PPP2CB: variants seen among roughly 807,000 people sequenced by gnomAD.
The protein encoded by PPP2CB is protein phosphatase 2 catalytic subunit beta.
Under a neutral mutation model 39.1 loss-of-function variants are expected in PPP2CB, and 18 were observed. The observed-to-expected ratio is 0.46, with a 90% CI of 0.32 to 0.68. PPP2CB has a LOEUF of 0.68. Among genes scored for constraint, PPP2CB ranks in the 30% least tolerant of loss-of-function variants. The probability of loss-of-function intolerance (pLI) is 0.04; values close to 1 mark genes in which losing one functional copy is unlikely to be tolerated. For missense variants in PPP2CB, 226 were observed against 396.9 expected (o/e 0.57, Z 3.66); for synonymous variants, 129 against 133.8 (o/e 0.96, Z 0.25).
rs1363822388 is a variant in PPP2CB, at chr8:30,786,260, C to T, written c.905G>A (p.Arg302Gln). ...TTATAGGAAGTAGTCTGGGGTGCGCCGTGTAACATGAGGCTCACCACGACG... is the reference window on the plus strand; with the variant it reads ...TTATAGGAAGTAGTCTGGGGTGCGCTGTGTAACATGAGGCTCACCACGACG... ...APRRGEPHVT[R>Q]RTPDYFL The change falls in exon 7 of 7, where the codon CGG becomes CAG. Residue 302 changes from arginine to glutamine, a missense_variant. Coordinates refer to ENST00000221138, the MANE Select transcript of PPP2CB (RefSeq NM_001009552.2). The T allele has an allele frequency of 7.6e-6, 12 of 1,579,068 alleles. No individual in the cohort carries two copies. Among genetic ancestry groups the T allele is most frequent in the Admixed American group, 3.7e-5 (2 of 53,970 alleles).
At chr8:30,811,083 GACA>G (rs1806817926) in intron 1 of PPP2CB, among the ~76,000 whole-genome samples, 1 of 152,104 alleles carries the variant, frequency 6.6e-6, no homozygotes, top group Non-Finnish European at 1.5e-5. Flanking sequence ...GATGAATGTG[GACA>G]ACTCTAGACT....
intron 1 of PPP2CB, among the ~76,000 whole-genome samples, chr8:30,805,045 C>T (rs917612765): frequency 1.3e-5 from 2 of 152,140 alleles, no homozygotes; most frequent in Admixed American, 1.3e-4. Context: ...CATAGTGGTT[C>T]AACTAAAATC....
rs940959681 is a variant in PPP2CB, at chr8:30,812,798, A to C, written c.-377T>G. On this transcript the variant is annotated 5_prime_UTR_variant, in exon 1 of 7. Transcript: ENST00000221138. ...GCCTCACGCCTACCGGCCTCTCCCGACTTGTCTTTCCCCTTCTCTCGCTCT... is the reference window on the plus strand; with the variant it reads ...GCCTCACGCCTACCGGCCTCTCCCGCCTTGTCTTTCCCCTTCTCTCGCTCT... The C allele has an allele frequency of 1.5e-5, 7 of 462,350 alleles. No individual in the cohort carries two copies. The highest frequency in any genetic ancestry group is 3.0e-5 in the Non-Finnish European group (7 of 230,922). 28.6% of individuals were successfully genotyped at this position (462,350 alleles called of 1,614,324 possible).
At chr8:30,796,209 T>C (rs899748630) in intron 3 of PPP2CB, among the ~76,000 whole-genome samples, 4 of 152,178 alleles carry the variant, frequency 2.6e-5, no homozygotes, top group African/African-American at 4.8e-5. Context: ...TTCAAATTAA[T>C]CACGGCAGTG....
In PPP2CB at chr8:30,808,055, A is replaced by G. The variant is rs1329194334; in HGVS notation, c.102+4265T>C. 2.6e-5 allele frequency among the ~76,000 whole-genome samples: 4 copies of G among 152,166 alleles called. No individual in the cohort carries two copies. In the South Asian group the frequency reaches 6.2e-4, roughly 24 times the overall value. On this transcript the variant is annotated intron_variant, in intron 1 of 6. Transcript: ENST00000221138. Reference sequence around the variant, plus strand: ...ATTTTATTTTTGCAACTACCTCAAAATAGGCCTTTACTAGTACTACTCTGG... The same window carrying G: ...ATTTTATTTTTGCAACTACCTCAAAGTAGGCCTTTACTAGTACTACTCTGG...
intron 6 of PPP2CB, among the ~76,000 whole-genome samples, chr8:30,788,380 A>G (rs908222332): frequency 8.6e-5 from 13 of 151,820 alleles, no homozygotes; most frequent in African/African-American, 2.7e-4. Flanking sequence ...CCTCCATCTC[A>G]GCCTCCCATA....
At chr8:30,798,499 G>C (rs2128761498) in intron 2 of PPP2CB, among the ~76,000 whole-genome samples, 1 of 152,298 alleles carries the variant, frequency 6.6e-6, no homozygotes, top group Non-Finnish European at 1.5e-5. Flanking sequence ...CAGCATTTTT[G>C]TTAACAGATT....
At chr8:30,794,417 T>C (rs1176874878) in intron 3 of PPP2CB, 136 bp from the exon 4 acceptor site, 8 of 751,210 alleles carry the variant, frequency 1.1e-5, no homozygotes, top group South Asian at 3.9e-5. Flanking sequence ...TTTTTTCTTC[T>C]TTACCCCTTC....
In PPP2CB at chr8:30,812,442, G is replaced by C; in HGVS notation, c.-21C>G. The C allele has an allele frequency of 6.7e-7, 1 of 1,500,640 alleles. No individual in the cohort carries two copies. Among genetic ancestry groups the C allele is most frequent in the Non-Finnish European group, 8.9e-7 (1 of 1,121,062 alleles). The allele number at this position is 1,500,640 out of a possible 1,614,324, so 93.0% of individuals were successfully genotyped here. On this transcript the variant is annotated 5_prime_UTR_variant, in exon 1 of 7. It adds an upstream start codon to the 5' untranslated region. Coordinates refer to ENST00000221138, the MANE Select transcript of PPP2CB (RefSeq NM_001009552.2). ...TCCATGGCGGCCCGATCCCGATGCGGATCCCGAGCCCCAGCCCGGCCGCCG... is the reference window on the plus strand; with the variant it reads ...TCCATGGCGGCCCGATCCCGATGCGCATCCCGAGCCCCAGCCCGGCCGCCG...
At position 30,795,152 on chromosome 8, in the gene PPP2CB, C is replaced by T. The variant is rs370644915; in HGVS notation, c.487-871G>A. Among the ~76,000 whole-genome samples, 45 of 115,474 alleles carry T rather than the reference C, an allele frequency of 3.9e-4. No individual in the cohort carries two copies. In the East Asian group the frequency reaches 6.7e-3, roughly 17 times the overall value. The allele number at this position is 115,474 out of a possible 152,430, so 75.8% of individuals were successfully genotyped here. On this transcript the variant is annotated intron_variant, in intron 3 of 6. Transcript: ENST00000221138. Reference sequence around the variant, plus strand: ...TTTTTTTTTTTTTGAGACGGAGTTTCGCTCTTGTTGCCCAGTGCAATGGCG... The same window carrying T: ...TTTTTTTTTTTTTGAGACGGAGTTTTGCTCTTGTTGCCCAGTGCAATGGCG...
intron 1 of PPP2CB, among the ~76,000 whole-genome samples, chr8:30,801,655 G>C (rs906833659): frequency 6.6e-6 from 1 of 152,088 alleles, no homozygotes; most frequent in African/African-American, 2.4e-5. Flanking sequence ...TCAGTGATTT[G>C]ATAATCTGAA....
At chr8:30,804,366 TAA>T (rs1254866086) in intron 1 of PPP2CB, among the ~76,000 whole-genome samples, 2 of 152,152 alleles carry the variant, frequency 1.3e-5, no homozygotes, top group African/African-American at 2.4e-5. Context: ...TCCTGCTTGG[TAA>T]AGAGATCTCT....
At chr8:30,805,989 T>C (rs958831884) in intron 1 of PPP2CB, among the ~76,000 whole-genome samples, 24 of 151,976 alleles carry the variant, frequency 1.6e-4, no homozygotes, top group African/African-American at 5.6e-4. Context: ...GCTCTCCCAT[T>C]CTCTGGAAAG....
chr8:30,795,343 A>G (rs1586123251), intron 3 of PPP2CB, among the ~76,000 whole-genome samples: 1 of 152,006 alleles, frequency 6.6e-6, no homozygotes. Flanking sequence ...TTGAACTCCC[A>G]ACCTCAGGTG....
intron 4 of PPP2CB, 52 bp from the exon 5 acceptor site, chr8:30,794,130 T>A: frequency 6.2e-7 from 1 of 1,606,172 alleles, no homozygotes; most frequent in Non-Finnish European, 8.5e-7. Context: ...TCATACTTTA[T>A]CATCCTCAAA....
Position 30,799,752 on chromosome 8 carries a change from T to C in PPP2CB, c.106A>G (p.Lys36Glu), listed in dbSNP as rs144505371. Residue 36 changes from lysine to glutamate, a missense_variant, in exon 2 of 7, where the codon AAG becomes GAG. Transcript: ENST00000221138. ...TTTGATTCTTTTGTTAAAATTTCCT[T>C]TGCCTGTTAGAAAAGTGAAATCAAC... is the stretch of plus-strand genomic sequence containing the variant. The part of the protein sequence containing the change: ...NQVRTLCEKA[K>E]EILTKESNVQ... 1.1e-5 allele frequency: 17 copies of C among 1,613,216 alleles called. No individual in the cohort carries two copies. Among genetic ancestry groups the C allele is most frequent in the Non-Finnish European group, 1.4e-5 (16 of 1,179,448 alleles).
intron 1 of PPP2CB, among the ~76,000 whole-genome samples, chr8:30,801,987 C>T (rs1371602057): frequency 1.3e-5 from 2 of 152,116 alleles, no homozygotes; most frequent in African/African-American, 4.8e-5. Flanking sequence ...CTCTAACCTC[C>T]CTTAATTTCT....
intron 2 of PPP2CB, among the ~76,000 whole-genome samples, chr8:30,798,336 C>T (rs906000984): frequency 5.3e-5 from 8 of 152,128 alleles, no homozygotes; most frequent in African/African-American, 1.7e-4. Flanking sequence ...ATAAGAAATA[C>T]GAAAAAGCAC....
At chr8:30,812,187 G>A (rs1359078659) in intron 1 of PPP2CB, 133 bp downstream of exon 1, 2 of 509,276 alleles carry the variant, frequency 3.9e-6, no homozygotes, top group Non-Finnish European at 5.7e-6. Context: ...GGTGGACGCC[G>A]GAGCCGGACC....
Sources: gnomAD v4.1 joint callset for allele counts (sites outside exome capture counted in the v4.1 genomes callset) on GRCh38, gnomAD v4.1.1 for gene constraint, MANE v1.5 for transcripts, NCBI Gene and HGNC (gene_info 2026-07-23, HGNC 2026-07-21) for gene names.